The following CSMD1 variants were observed in gnomAD, a reference collection of about 807,000 sequenced individuals.
CSMD1 encodes the protein CUB and Sushi multiple domains 1.
A neutral mutation model predicts 417.5 loss-of-function variants in CSMD1; 213 were observed. The ratio of observed to expected loss-of-function variants is 0.51; its 90% CI spans 0.46 to 0.57. The LOEUF (loss-of-function observed/expected upper bound fraction) is 0.57. CSMD1 is among the 20% of genes least tolerant of loss of function. The pLI is 0.00. For missense variants in CSMD1, 6,923 were observed against 4,529.7 expected, an observed-to-expected ratio of 1.53 and a Z score of -15.17; for synonymous variants, 2,862 against 1,736.8, an observed-to-expected ratio of 1.65 and a Z score of -16.11.
At chr8:3,106,816 T>G in intron 45 of CSMD1, 175 bp from the exon 46 acceptor site, 1 of 481,948 alleles carries the variant, frequency 2.1e-6, no homozygotes, top group Middle Eastern at 4.9e-4. Flanking sequence ...GTTCTTAATT[T>G]ATAAAAATGC....
intron 1 of CSMD1, among the ~76,000 whole-genome samples, chr8:4,818,399 T>C (rs941211530): frequency 1.3e-5 from 2 of 152,194 alleles, no homozygotes; most frequent in Non-Finnish European, 1.5e-5. Flanking sequence ...CCTTGAACAA[T>C]ATAACATCGT....
chr8:4,772,513 A>G (rs1796652965), intron 1 of CSMD1, among the ~76,000 whole-genome samples: 1 of 152,198 alleles, frequency 6.6e-6, no homozygotes, highest in Non-Finnish European at 1.5e-5. Flanking sequence ...AGGATCTGGT[A>G]TTACAGCATG....
intron 1 of CSMD1, among the ~76,000 whole-genome samples, chr8:4,869,037 T>C (rs1056946584): frequency 7.9e-5 from 12 of 152,000 alleles, no homozygotes; most frequent in Non-Finnish European, 1.6e-4. Flanking sequence ...TATTACTACA[T>C]ACCATTTCCA....
At chr8:3,011,410 T>C (rs1311107103) in intron 52 of CSMD1, among the ~76,000 whole-genome samples, 2 of 152,172 alleles carry the variant, frequency 1.3e-5, no homozygotes, top group Non-Finnish European at 1.5e-5. Flanking sequence ...TATTAAATAT[T>C]TTATGTGGAT....
chr8:4,331,888 G>A (rs10100218), intron 3 of CSMD1, among the ~76,000 whole-genome samples: 152,292 of 152,296 alleles, frequency 1, 76,144 homozygotes, highest in Non-Finnish European at 1. Context: ...TAGCTAGAGA[G>A]TTTAACTATG....
At chr8:4,391,755 C>T (rs996964727) in intron 3 of CSMD1, among the ~76,000 whole-genome samples, 2 of 152,148 alleles carry the variant, frequency 1.3e-5, no homozygotes, top group African/African-American at 4.8e-5. Flanking sequence ...TCCCCTCTTC[C>T]ACCATAGGGC....
chr8:3,449,913 T>G (rs1162102342), intron 12 of CSMD1, among the ~76,000 whole-genome samples: 1 of 152,160 alleles, frequency 6.6e-6, no homozygotes, highest in Non-Finnish European at 1.5e-5. Context: ...ATTAGGACAT[T>G]TAAGAAAAAC....
chr8:4,445,864 C>T (rs1419237336), intron 2 of CSMD1, among the ~76,000 whole-genome samples: 1 of 152,168 alleles, frequency 6.6e-6, no homozygotes, highest in Non-Finnish European at 1.5e-5. Flanking sequence ...GAAGTGTTCT[C>T]CCGCTGGAGA....
intron 3 of CSMD1, among the ~76,000 whole-genome samples, chr8:4,380,512 C>G (rs1803032943): frequency 6.6e-6 from 1 of 152,160 alleles, no homozygotes; most frequent in African/African-American, 2.4e-5. Context: ...CCGTCACAGC[C>G]AAGGGGAGCC....
intron 3 of CSMD1, among the ~76,000 whole-genome samples, chr8:4,205,637 G>C (rs1023042696): frequency 2.0e-5 from 3 of 152,088 alleles, no homozygotes; most frequent in African/African-American, 7.2e-5. Context: ...CACAGAGTGA[G>C]AAAGCCTCTC....
chr8:3,406,360 AT>A, intron 14 of CSMD1, 139 bp from the exon 15 acceptor site: 2 of 150,066 alleles, frequency 1.3e-5, no homozygotes, highest in Non-Finnish European at 2.3e-5. Flanking sequence ...TGTATCATTC[AT>A]AGATAGATAA....
intron 1 of CSMD1, among the ~76,000 whole-genome samples, chr8:4,979,701 T>C (rs1032390376): frequency 5.9e-5 from 9 of 152,238 alleles, no homozygotes; most frequent in African/African-American, 1.9e-4. Context: ...TTAAATATTC[T>C]GTAGTGACAA....
chr8:3,018,759 T>C, intron 51 of CSMD1, 109 bp from the exon 52 acceptor site: 4 of 1,005,862 alleles, frequency 4.0e-6, no homozygotes, highest in East Asian at 4.9e-5. Context: ...CTATTTTTAG[T>C]CTTAATTTTC....
chr8:3,465,209 T>C (rs995625849), intron 12 of CSMD1, among the ~76,000 whole-genome samples: 2 of 152,242 alleles, frequency 1.3e-5, no homozygotes, highest in African/African-American at 4.8e-5. Flanking sequence ...CTCCACTCAC[T>C]GTGATTTTCA....
At position 3,164,258 on chromosome 8, in the gene CSMD1, G is replaced by C. The variant is rs547409983; in HGVS notation, c.5726-1981C>G. ...CCACAGAACCCATTGATTCTGTATA[G>C]AATGAGTAGGTAGGAGGAGTGCCAC... is the stretch of plus-strand genomic sequence containing the variant. On this transcript the variant is annotated intron_variant, in intron 37 of 69. Coordinates refer to ENST00000635120, the MANE Select transcript of CSMD1 (RefSeq NM_033225.6). Among the ~76,000 whole-genome samples the C allele has an allele frequency of 5.3e-5, 8 of 152,302 alleles. No individual in the cohort carries two copies. The East Asian group carries it at 1.5e-3, about 29-fold the overall frequency.
chr8:4,474,883 C>G (rs886910135), intron 2 of CSMD1, among the ~76,000 whole-genome samples: 4 of 152,180 alleles, frequency 2.6e-5, no homozygotes, highest in Non-Finnish European at 5.9e-5. Context: ...ATTATTTTCT[C>G]TAGCTTACTT....
intron 1 of CSMD1, among the ~76,000 whole-genome samples, chr8:4,897,129 A>C: frequency 6.6e-6 from 1 of 152,068 alleles, no homozygotes; most frequent in Non-Finnish European, 1.5e-5. Context: ...AAATGAATTT[A>C]TGAGCAAGGC....
chr8:3,370,781 C>T (rs1026436788), intron 18 of CSMD1, among the ~76,000 whole-genome samples: 1 of 152,122 alleles, frequency 6.6e-6, no homozygotes, highest in Admixed American at 6.5e-5. Flanking sequence ...TCCAGACCAG[C>T]CTGGCCAGCA....
chr8:3,367,322 G>C, intron 19 of CSMD1, 75 bp from the exon 20 acceptor site: 3 of 934,862 alleles, frequency 3.2e-6, no homozygotes, highest in African/African-American at 1.6e-5. Flanking sequence ...AGAGGGAGCG[G>C]GGCAGAGAGA....
Sources: gnomAD v4.1 joint callset for allele counts (sites outside exome capture counted in the v4.1 genomes callset) on GRCh38, gnomAD v4.1.1 for gene constraint, MANE v1.5 for transcripts, NCBI Gene and HGNC (gene_info 2026-07-23, HGNC 2026-07-21) for gene names.